TCEA2: variants seen among roughly 807,000 people sequenced by gnomAD.
TCEA2 encodes the protein transcription elongation factor A2.
TCEA2 carries 21 observed loss-of-function variants against 40.8 expected under a neutral mutation model. The ratio of observed to expected loss-of-function variants is 0.51; its 90% confidence interval spans 0.36 to 0.74. The LOEUF is 0.74. TCEA2 is among the 30% of genes least tolerant of loss of function. The probability of loss-of-function intolerance (pLI) is 0.00; values close to 1 mark genes in which losing one functional copy is unlikely to be tolerated. For synonymous variants in TCEA2, 165 were observed against 162.7 expected, an observed-to-expected ratio of 1.01 and a Z score of -0.11; for missense variants, 326 against 426.5, an observed-to-expected ratio of 0.76 and a Z score of 2.08.
Position 64,070,588 on chromosome 20 carries a change from C to G in TCEA2, c.772C>G (p.Leu258Val). ...CCGCACTGGCGGCACGCAGACAGAC[C>G]TGTTCACCTGCGGCAAGTGCAGGAA... The part of the protein sequence containing the change: ...MARTGGTQTD[L>V]FTCGKCRKKN... Residue 258 changes from leucine (L) to valine (V), a missense_variant, in exon 8 of 10, where the codon CTG becomes GTG. Coordinates refer to ENST00000343484, the MANE Select transcript of TCEA2 (RefSeq NM_003195.6). 6.2e-7 allele frequency: 1 copy of G among 1,613,290 alleles called. No individual in the cohort carries two copies. Among genetic ancestry groups the G allele is most frequent in the Non-Finnish European group, 8.5e-7 (1 of 1,179,714 alleles).
At chr20:64,060,309 G>A (rs968321117), upstream of TCEA2, among the ~76,000 whole-genome samples, 87 of 152,304 alleles carry the variant, frequency 5.7e-4, no homozygotes, top group Middle Eastern at 0.014. Context: ...ACTCACACTC[G>A]GCCGTTGGAG....
chr20:64,068,351 G>C (rs566771499), intron 4 of TCEA2, among the ~76,000 whole-genome samples: 16 of 152,322 alleles, frequency 1.1e-4, no homozygotes, highest in Admixed American at 2.0e-4. Context: ...CAGCCATCCT[G>C]GCCTCTTCCT....
intron 1 of TCEA2, chr20:64,065,981 A>ATGAGAGTTTGG (rs1341250020): frequency 4.4e-4 from 67 of 152,412 alleles, no homozygotes; most frequent in East Asian, 1.0e-3. Flanking sequence ...TTGGCCCTTC[A>ATGAGAGTTTGG]CAGCTGGTGG....
intron 8 of TCEA2, among the ~76,000 whole-genome samples, chr20:64,071,327 G>A (rs575034637): frequency 3.6e-4 from 54 of 151,494 alleles, no homozygotes; most frequent in Non-Finnish European, 5.0e-4. Context: ...CAGCCTGGGC[G>A]ACAGAGCGAG....
At chr20:64,068,596 T>G (rs1324447799) in intron 4 of TCEA2, among the ~76,000 whole-genome samples, 1 of 152,370 alleles carries the variant, frequency 6.6e-6, no homozygotes, top group East Asian at 1.9e-4. Context: ...TGATAAGGGC[T>G]CTGTGGCCTG....
intron 3 of TCEA2, 55 bp downstream of exon 3, chr20:64,067,075 C>G: frequency 6.6e-7 from 1 of 1,517,464 alleles, no homozygotes; most frequent in Non-Finnish European, 9.0e-7. Context: ...AGAAGTGCTG[C>G]CTCTTGCTGG....
At chr20:64,070,957 C>T (rs1462099925) in intron 8 of TCEA2, among the ~76,000 whole-genome samples, 1 of 152,170 alleles carries the variant, frequency 6.6e-6, no homozygotes, top group African/African-American at 2.4e-5. Context: ...CTGCCTGCTG[C>T]CTGGCAGTGA....
chr20:64,070,329 T>C lies in TCEA2; in HGVS notation c.587T>C (p.Leu196Pro). 6.2e-7 allele frequency: 1 copy of C among 1,614,184 alleles called. No individual in the cohort carries two copies. Among genetic ancestry groups the C allele is most frequent in the Non-Finnish European group, 8.5e-7 (1 of 1,180,030 alleles). The change falls in exon 7 of 10, where the codon CTG becomes CCG. Residue 196 changes from leucine to proline, a missense_variant. Transcript: ENST00000343484. ...KNRVRSRISN[L>P]KDAKNPDLRR... ...CGTGTACGGAGTCGTATCTCCAACC[T>C]GAAGGATGCCAAGAACCCTGACCTG...
upstream of TCEA2, among the ~76,000 whole-genome samples, chr20:64,059,448 A>G (rs1018452694): frequency 6.8e-4 from 103 of 152,158 alleles, no homozygotes; most frequent in African/African-American, 2.1e-3. Context: ...TGAGGCTTCA[A>G]TACACACTCC....
At chr20:64,060,730 G>A (rs748695592), upstream of TCEA2, among the ~76,000 whole-genome samples, 5 of 152,024 alleles carry the variant, frequency 3.3e-5, no homozygotes, top group Admixed American at 2.6e-4. Flanking sequence ...ATATAATATC[G>A]CGGGGCCTCT....
chr20:64,068,124 C>A lies in TCEA2; in HGVS notation c.319C>A (p.Pro107Thr). ...GTCCTCGAGGGATGCCTCAGAGGCC[C>A]CGGATCCCAGGTAGCACACCTGGAA... is the stretch of plus-strand genomic sequence containing the variant. ...PTSSRDASEA[P>T]DPSRKRPELP... Residue 107 changes from proline to threonine, a missense_variant, in exon 4 of 10, where the codon CCG becomes ACG. Coordinates refer to ENST00000343484, the MANE Select transcript of TCEA2 (RefSeq NM_003195.6). The A allele has an allele frequency of 6.2e-7, 1 of 1,608,196 alleles. No individual in the cohort carries two copies. The highest frequency in any genetic ancestry group is 8.5e-7 in the Non-Finnish European group (1 of 1,177,802).
In TCEA2 at chr20:64,058,066, G is replaced by A. The variant is rs750506613; in HGVS notation, c.-84+415G>A. On this transcript the variant is annotated intron_variant, in intron 1 of 10. Coordinates refer to the TCEA2 transcript ENST00000361317. The surrounding 1 kb of genome is among the most constrained non-coding windows in gnomAD (Gnocchi z 6.7). ...CACCAGGATGGGCCTACACCTCTCC[G>A]CCTGCAGTAGTTGCTTCCACGCAGG... is the stretch of plus-strand genomic sequence containing the variant. Among the ~76,000 whole-genome samples, 4 of 152,312 alleles carry A rather than the reference G, an allele frequency of 2.6e-5. No individual in the cohort carries two copies. Among genetic ancestry groups the A allele is most frequent in the Admixed American group, 6.5e-5 (1 of 15,306 alleles).
At chr20:64,063,551 C>T (rs1052899849) in intron 1 of TCEA2, 167 bp downstream of exon 1, 1 of 786,050 alleles carries the variant, frequency 1.3e-6, no homozygotes. Context: ...TGGCCGAGAC[C>T]CCTGCCCCGG....
At position 64,069,631 on chromosome 20, in the gene TCEA2, G is replaced by T. The variant is rs1477617636; in HGVS notation, c.461-134G>T. On this transcript the variant is annotated intron_variant, in intron 5 of 9. Transcript: ENST00000343484. ...TTGCTGTGGCCCTGGCAGGGGCTAG[G>T]GGCCTGTGCCTGGATCGTGGGCCTC... The T allele has an allele frequency of 3.3e-6, 5 of 1,531,626 alleles. No homozygotes were observed. The African/African-American group carries it at 6.8e-5, about 21-fold the overall frequency. The allele number at this position is 1,531,626 out of a possible 1,614,324, so 94.9% of individuals were successfully genotyped here. A position where few individuals can be genotyped will look rare whatever the true frequency, so the allele number is the denominator to read the frequency against.
At chr20:64,063,136 C>T (rs1360666131), upstream of TCEA2, 3 of 405,924 alleles carry the variant, frequency 7.4e-6, no homozygotes, top group Non-Finnish European at 1.2e-5. Flanking sequence ...GCGTGGACTA[C>T]GCATCCTAGG....
chr20:64,071,771 G>T (rs1273563864), intron 8 of TCEA2, 99 bp from the exon 9 acceptor site: 63 of 1,419,238 alleles, frequency 4.4e-5, no homozygotes, highest in Non-Finnish European at 6.0e-5. Context: ...TCACCTGTGG[G>T]AGCTCAGTGG....
upstream of TCEA2, chr20:64,062,893 G>T (rs537818845): frequency 2.0e-4 from 31 of 154,678 alleles, no homozygotes; most frequent in Admixed American, 9.1e-4. Context: ...AGCAAGGCCC[G>T]AAGCAGGAGG....
upstream of TCEA2, chr20:64,063,194 G>C: frequency 1.1e-6 from 1 of 905,724 alleles, no homozygotes; most frequent in Non-Finnish European, 1.4e-6. Flanking sequence ...GGGGTCTGTC[G>C]TCCGCGGCGG....
upstream of TCEA2, chr20:64,062,340 G>C (rs1291506435): frequency 1.3e-5 from 2 of 152,314 alleles, no homozygotes; most frequent in African/African-American, 4.8e-5. Flanking sequence ...CCATCTCTCT[G>C]GCTGCCTGCA....
Sources: gnomAD v4.1 joint callset for allele counts (sites outside exome capture counted in the v4.1 genomes callset) on GRCh38, gnomAD v4.1.1 for gene constraint, Gnocchi (gnomAD v3.1) non-coding constraint, MANE v1.5 for transcripts, NCBI Gene and HGNC (gene_info 2026-07-23, HGNC 2026-07-21) for gene names.